Variants in CAPN11 observed in about 807,000 individuals in gnomAD.
CAPN11 encodes calpain 11.
A neutral mutation model predicts 105.3 loss-of-function variants in CAPN11; 108 were observed. That is an observed-to-expected ratio of 1.03 (90% confidence interval 0.88 to 1.20). The LOEUF is 1.20. Among genes scored for constraint, CAPN11 ranks in the 50% most tolerant of loss-of-function variants. The pLI is 0.00. For missense variants in CAPN11, 883 were observed against 924.8 expected (o/e 0.95, Z 0.59); for synonymous variants, 329 against 344.5 (o/e 0.96, Z 0.50).
intron 2 of CAPN11, 45 bp from the exon 3 acceptor site, chr6:44,169,236 T>C: frequency 6.4e-7 from 1 of 1,552,550 alleles, no homozygotes; most frequent in Non-Finnish European, 8.7e-7. Flanking sequence ...GCCCAGCTTA[T>C]TACATTTTTT....
At chr6:44,173,872 C>A (rs1448805798) in intron 7 of CAPN11, among the ~76,000 whole-genome samples, 2 of 152,202 alleles carry the variant, frequency 1.3e-5, no homozygotes, top group Non-Finnish European at 2.9e-5. Context: ...GCATGAGCCA[C>A]GGTGCCCAGC....
chr6:44,180,314 G>A, intron 14 of CAPN11, 146 bp from the exon 15 acceptor site: 1 of 913,866 alleles, frequency 1.1e-6, no homozygotes, highest in Non-Finnish European at 1.7e-6. Flanking sequence ...CCAGTTAGTG[G>A]CAGAACCAGA....
At chr6:44,181,483 AACCAC>A (rs1311256592) in intron 19 of CAPN11, among the ~76,000 whole-genome samples, 163 bp downstream of exon 19, 11 of 73,858 alleles carry the variant, frequency 1.5e-4, no homozygotes, top group Non-Finnish European at 2.4e-4. Flanking sequence ...ATACAGACAC[AACCAC>A]ACCACACACA....
chr6:44,177,631 C>G, intron 12 of CAPN11: 1 of 557,534 alleles, frequency 1.8e-6, no homozygotes, highest in Non-Finnish European at 3.2e-6. Flanking sequence ...GGATTACAGA[C>G]GTGCACCACC....
At chr6:44,177,541 G>T in intron 12 of CAPN11, 121 bp downstream of exon 12, 1 of 905,430 alleles carries the variant, frequency 1.1e-6, no homozygotes, top group Non-Finnish European at 1.6e-6. Flanking sequence ...AGGCTGGAGT[G>T]CAGTGGCACA....
At chr6:44,171,247 G>A (rs1466102441) in intron 4 of CAPN11, among the ~76,000 whole-genome samples, 2 of 152,220 alleles carry the variant, frequency 1.3e-5, no homozygotes, top group Middle Eastern at 6.3e-3. Flanking sequence ...AGCAAGGGCT[G>A]AGATGCCTAG....
chr6:44,183,177 C>T lies in CAPN11; in HGVS notation c.2076C>T (p.Asp692=). Residue 692 remains aspartate, a synonymous_variant, in exon 21 of 23, where the codon GAC becomes GAT. Coordinates refer to ENST00000398776, the MANE Select transcript of CAPN11 (RefSeq NM_007058.4). ...QVLVARYADD[D]LIIDFDSFIS... The stretch of plus-strand genomic sequence containing the variant: ...TGGTGGCCAGGTATGCAGATGATGA[C>T]CTGATCATAGACTTTGACAGCTTCA... 5.0e-6 allele frequency: 8 copies of T among 1,613,682 alleles called. No homozygotes were observed. The highest frequency in any genetic ancestry group is 6.8e-6 in the Non-Finnish European group (8 of 1,179,666).
chr6:44,166,957 A>C, intron 2 of CAPN11, 128 bp downstream of exon 2: 4 of 338,624 alleles, frequency 1.2e-5, no homozygotes, highest in African/African-American at 2.3e-5. Flanking sequence ...CGGCGGGGGG[A>C]GGGGAGGCTA....
rs898983290 is a variant in CAPN11, at chr6:44,175,942, A to C, written c.832-126A>C. On this transcript the variant is annotated intron_variant, in intron 7 of 22. Coordinates refer to ENST00000398776, the MANE Select transcript of CAPN11 (RefSeq NM_007058.4). ...AATCTGCAATTATTTCAAAATAATG[A>C]TAATAATTTAAAAGTTTAGTTTAAA... is the stretch of plus-strand genomic sequence containing the variant. 11 of 619,074 alleles carry C rather than the reference A, an allele frequency of 1.8e-5. No homozygotes were observed. The East Asian group carries it at 3.0e-4, about 17-fold the overall frequency. The allele number at this position is 619,074 out of a possible 1,614,324, so 38.3% of individuals were successfully genotyped here. A position where few individuals can be genotyped will look rare whatever the true frequency, so the allele number is the denominator to read the frequency against.
chr6:44,180,359 C>G, intron 14 of CAPN11, 101 bp from the exon 15 acceptor site: 1 of 1,159,956 alleles, frequency 8.6e-7, no homozygotes, highest in Admixed American at 1.9e-5. Flanking sequence ...TGGAGCTGCC[C>G]TATATTGCTT....
intron 1 of CAPN11, among the ~76,000 whole-genome samples, chr6:44,165,777 C>T (rs569019073): frequency 9.9e-5 from 15 of 152,096 alleles, no homozygotes; most frequent in Non-Finnish European, 1.8e-4. Flanking sequence ...CTGGAGGGGG[C>T]TCTGGGGGCT....
intron 7 of CAPN11, among the ~76,000 whole-genome samples, chr6:44,175,201 T>G (rs1052379334): frequency 6.6e-6 from 1 of 151,944 alleles, no homozygotes; most frequent in South Asian, 2.1e-4. Flanking sequence ...CATTCTGGGC[T>G]GGGCACGGTG....
intron 16 of CAPN11, 28 bp downstream of exon 16, chr6:44,180,690 C>T (rs372991173): frequency 5.0e-6 from 8 of 1,613,402 alleles, no homozygotes; most frequent in Non-Finnish European, 6.8e-6. Context: ...GGAGGGCTGA[C>T]AGGAGGGGGA....
intron 19 of CAPN11, 44 bp downstream of exon 19, chr6:44,181,364 G>T (rs1431712845): frequency 2.5e-6 from 4 of 1,574,168 alleles, no homozygotes; most frequent in South Asian, 1.1e-5. Context: ...GAGGAAAAGA[G>T]GGTCTTAGGA....
chr6:44,173,101 C>T (rs1202379080), intron 6 of CAPN11, 28 bp downstream of exon 6: 2 of 1,609,624 alleles, frequency 1.2e-6, no homozygotes, highest in Non-Finnish European at 1.7e-6. Context: ...AGGAAGGGGG[C>T]TTGCCTTGCC....
At chr6:44,178,492 G>A (rs1034067541) in intron 12 of CAPN11, among the ~76,000 whole-genome samples, 1 of 152,040 alleles carries the variant, frequency 6.6e-6, no homozygotes, top group Non-Finnish European at 1.5e-5. Flanking sequence ...TATTTATGGA[G>A]CATCTACTGT....
intron 19 of CAPN11, 82 bp from the exon 20 acceptor site, chr6:44,182,859 C>G: frequency 9.8e-7 from 1 of 1,023,046 alleles, no homozygotes; most frequent in Non-Finnish European, 1.5e-6. Flanking sequence ...CAGGCATGAG[C>G]CACCGCGCCC....
At chr6:44,173,553 CTATT>C (rs1236245979) in intron 7 of CAPN11, among the ~76,000 whole-genome samples, 167 bp downstream of exon 7, 6 of 147,362 alleles carry the variant, frequency 4.1e-5, no homozygotes, top group Non-Finnish European at 7.5e-5. Context: ...CGTCCCCACC[CTATT>C]TACTTTCTTT....
At position 44,168,136 on chromosome 6, in the gene CAPN11, C is replaced by T. The variant is rs78154437; in HGVS notation, c.89-1145C>T. ...TTTTAGATTGTTTTCATTATCCTCC[C>T]AAAGAAACCCCATACCCTTTAGCCA... On this transcript the variant is annotated intron_variant, in intron 2 of 22. Coordinates refer to ENST00000398776, the MANE Select transcript of CAPN11 (RefSeq NM_007058.4). Among the ~76,000 whole-genome samples, 6 of 152,294 alleles carry T rather than the reference C, an allele frequency of 3.9e-5. No individual in the cohort carries two copies. The East Asian group carries it at 9.6e-4, about 24-fold the overall frequency.
Sources: gnomAD v4.1 joint callset for allele counts (sites outside exome capture counted in the v4.1 genomes callset) on GRCh38, gnomAD v4.1.1 for gene constraint, MANE v1.5 for transcripts, NCBI Gene and HGNC (gene_info 2026-07-23, HGNC 2026-07-21) for gene names.